MTMR8: variants seen among roughly 807,000 people sequenced by gnomAD.
MTMR8 encodes phosphatidylinositol-3,5-bisphosphate 3-phosphatase MTMR8.
In MTMR8, 65 loss-of-function variants were observed where a neutral mutation model predicts 39.3. The ratio of observed to expected loss-of-function variants is 1.65; its 90% CI spans 1.35 to 2.03. MTMR8 has a LOEUF of 2.03. MTMR8 is among the 30% of genes most tolerant of loss of function. The pLI is 0.00. For synonymous variants in MTMR8, 245 were observed against 185.2 expected (o/e 1.32, Z -2.62); for missense variants, 777 against 538.9 (o/e 1.44, Z -4.37).
intron 6 of MTMR8, among the ~76,000 whole-genome samples, chrX:64,347,149 A>C (rs1923367484): frequency 9.0e-6 from 1 of 111,010 alleles, no homozygotes; most frequent in Non-Finnish European, 1.9e-5. Context: ...TCCTACTAAA[A>C]GTACGGATCT....
intron 11 of MTMR8, 128 bp downstream of exon 11, chrX:64,331,429 A>G: frequency 1.8e-6 from 1 of 544,825 alleles, no homozygotes; most frequent in South Asian, 3.1e-5. Flanking sequence ...TATGCTTCAA[A>G]AGTTCTTTTT....
At chrX:64,342,483 G>A (rs1174027390) in intron 8 of MTMR8, among the ~76,000 whole-genome samples, 1 of 112,176 alleles carries the variant, frequency 8.9e-6, no homozygotes, top group Non-Finnish European at 1.9e-5. Context: ...TATTTATAAG[G>A]CTGTACTGTC....
chrX:64,305,810 G>T (rs1922092115), intron 12 of MTMR8: 1 of 355,910 alleles, frequency 2.8e-6, no homozygotes, highest in Non-Finnish European at 5.3e-6. Flanking sequence ...GCTCTTTGTG[G>T]TGACATAAAT....
chrX:64,370,449 G>A (rs1160805707), intron 1 of MTMR8, among the ~76,000 whole-genome samples: 1 of 110,831 alleles, frequency 9.0e-6, no homozygotes, highest in Non-Finnish European at 1.9e-5. Flanking sequence ...TCATTCACAT[G>A]TTCTCTTGTT....
intron 12 of MTMR8, chrX:64,305,804 T>C (rs746349270): frequency 7.5e-4 from 268 of 358,996 alleles, no homozygotes; most frequent in Non-Finnish European, 1.2e-3. Flanking sequence ...GTGGTGGCTC[T>C]TTGTGGTGAC....
chrX:64,318,708 G>GTTT (rs1209006743), intron 12 of MTMR8, among the ~76,000 whole-genome samples: 55 of 82,364 alleles, frequency 6.7e-4, no homozygotes, highest in Middle Eastern at 6.5e-3. Flanking sequence ...TTGGTTTTTT[G>GTTT]TTTTTTTTTT....
At position 64,331,615 on chromosome X, in the gene MTMR8, A is replaced by C. The variant is rs1922941234; in HGVS notation, c.1294T>G (p.Phe432Val). Reference sequence around the variant, plus strand: ...AGGAAGTTTCCAAACTGGCAGGAGAAAACATGGTCATGAATCTCCAGCAGG... The same window carrying C: ...AGGAAGTTTCCAAACTGGCAGGAGACAACATGGTCATGAATCTCCAGCAGG... ...NFLLEIHDHV[F>V]SCQFGNFLGN... The change falls in exon 11 of 14, where the codon TTC becomes GTC. Residue 432 changes from phenylalanine (F) to valine (V), a missense_variant. Coordinates refer to ENST00000374852, the MANE Select transcript of MTMR8 (RefSeq NM_017677.4). The C allele has an allele frequency of 8.3e-7, 1 of 1,210,728 alleles. No individual in the cohort carries two copies.
At chrX:64,271,853 C>T (rs747614577) in intron 12 of MTMR8, among the ~76,000 whole-genome samples, 12 of 112,244 alleles carry the variant, frequency 1.1e-4, no homozygotes, top group Non-Finnish European at 2.3e-4. Flanking sequence ...TGGCTCAACA[C>T]AGGGTAGGGG....
rs189812758 is a variant in MTMR8, at chrX:64,279,094, G to A, written c.1482-8021C>T. Reference sequence around the variant, plus strand: ...GTCTGCCCCTTAGCAGAGCTCAAGCGCTGTGCTGGGAGATCCACTGCTCTC... The same window carrying A: ...GTCTGCCCCTTAGCAGAGCTCAAGCACTGTGCTGGGAGATCCACTGCTCTC... On this transcript the variant is annotated intron_variant, in intron 12 of 13. Transcript: ENST00000374852. Among the ~76,000 whole-genome samples, 20 of 111,868 alleles carry A rather than the reference G, an allele frequency of 1.8e-4. No individual in the cohort carries two copies. In the East Asian group the frequency reaches 2.5e-3, roughly 14 times the overall value.
intron 13 of MTMR8, 128 bp from the exon 14 acceptor site, chrX:64,269,171 C>T: frequency 1.6e-6 from 1 of 623,373 alleles, no homozygotes. Context: ...TTTGCTCACC[C>T]CCTCCCCCAC....
intron 1 of MTMR8, among the ~76,000 whole-genome samples, chrX:64,386,621 A>C (rs908292796): frequency 8.9e-6 from 1 of 112,270 alleles, no homozygotes; most frequent in Admixed American, 9.4e-5. Context: ...CAAGAGAACC[A>C]TGGGTATAAA....
chrX:64,269,545 T>C (rs180753023), intron 13 of MTMR8, among the ~76,000 whole-genome samples: 61 of 111,336 alleles, frequency 5.5e-4, no homozygotes, highest in Non-Finnish European at 1.9e-5. Flanking sequence ...TGACCTGTCG[T>C]CTACATCATG....
At chrX:64,368,273 G>A (rs985479221) in intron 1 of MTMR8, among the ~76,000 whole-genome samples, 7 of 111,563 alleles carry the variant, frequency 6.3e-5, no homozygotes, top group African/African-American at 1.3e-4. Flanking sequence ...AAGTTCATAC[G>A]GAATCAAAAA....
At chrX:64,325,668 C>A (rs887453564) in intron 12 of MTMR8, among the ~76,000 whole-genome samples, 5 of 111,955 alleles carry the variant, frequency 4.5e-5, no homozygotes, top group African/African-American at 1.6e-4. Context: ...TATGACAAAC[C>A]CACAGCTAAC....
rs143442335 is a variant in MTMR8 at position 64,281,456 on chromosome X, T to G, written c.1482-10383A>C. On this transcript the variant is annotated intron_variant, in intron 12 of 13. Coordinates refer to ENST00000374852, the MANE Select transcript of MTMR8 (RefSeq NM_017677.4). The stretch of plus-strand genomic sequence containing the variant: ...ACAACAACAAGTAATGGAGAAAGGA[T>G]TCCTTATTTAATAAAAGGTGCTGGG... 6.7e-3 allele frequency among the ~76,000 whole-genome samples: 747 copies of G among 111,925 alleles called. 3 individuals carry two copies. The highest frequency in any genetic ancestry group is 0.011 in the Non-Finnish European group (600 of 53,139).
intron 6 of MTMR8, 76 bp from the exon 7 acceptor site, chrX:64,345,253 A>T (rs1482313752): frequency 6.9e-6 from 7 of 1,015,224 alleles, no homozygotes; most frequent in African/African-American, 5.7e-5. Context: ...TCAATGCCTC[A>T]TTCTGAACCG....
At chrX:64,270,166 A>G (rs754074421) in intron 13 of MTMR8, among the ~76,000 whole-genome samples, 26 of 111,752 alleles carry the variant, frequency 2.3e-4, no homozygotes, top group Non-Finnish European at 4.7e-4. Context: ...CACCTTTAAA[A>G]AAAATGGAAC....
At chrX:64,306,151 C>T (rs1453254210) in intron 12 of MTMR8, 2 of 272,562 alleles carry the variant, frequency 7.3e-6, no homozygotes, top group African/African-American at 2.8e-5. Context: ...TTTCACAACT[C>T]CAAGACTTAT....
chrX:64,311,555 A>C (rs1354771336), intron 12 of MTMR8, among the ~76,000 whole-genome samples: 1 of 111,484 alleles, frequency 9.0e-6, no homozygotes, highest in African/African-American at 3.3e-5. Flanking sequence ...TGTTTTAGTC[A>C]TGAAGTCCTT....
Sources: gnomAD v4.1 joint callset for allele counts (sites outside exome capture counted in the v4.1 genomes callset) on GRCh38, gnomAD v4.1.1 for gene constraint, MANE v1.5 for transcripts, NCBI Gene and HGNC (gene_info 2026-07-23, HGNC 2026-07-21) for gene names.